Variants in RPTOR observed in about 807,000 individuals in gnomAD.
RPTOR encodes regulatory-associated protein of mTOR.
In RPTOR, 21 loss-of-function variants were observed where a neutral mutation model predicts 169.9. That is an observed-to-expected ratio of 0.12 (90% confidence interval 0.09 to 0.18). The LOEUF (loss-of-function observed/expected upper bound fraction) is 0.18, where lower values mean the gene tolerates loss of function less well. Ranked by LOEUF, RPTOR falls within the 10% of genes least tolerant of loss-of-function variation. The probability of loss-of-function intolerance (pLI) is 1.00; values close to 1 mark genes in which losing one functional copy is unlikely to be tolerated. For synonymous variants in RPTOR, 732 were observed against 753.2 expected, an observed-to-expected ratio of 0.97 and a Z score of 0.46; for missense variants, 1,133 against 1,855.9, an observed-to-expected ratio of 0.61 and a Z score of 7.16.
At chr17:80,930,312 CCAGCTCAGCT>C (rs575696923) in intron 24 of RPTOR, among the ~76,000 whole-genome samples, 11 of 80,158 alleles carry the variant, frequency 1.4e-4, no homozygotes, top group African/African-American at 3.1e-4. Flanking sequence ...CAGCTCATCC[CCAGCTCAGCT>C]CAGCTCATCC....
intron 5 of RPTOR, among the ~76,000 whole-genome samples, chr17:80,748,714 T>C (rs71368085): frequency 0.084 from 4,231 of 50,416 alleles, 544 homozygotes; most frequent in Non-Finnish European, 0.12. Context: ...ACCTGTTGGG[T>C]GGATGGAGGG....
At chr17:80,778,177 C>T (rs937844658) in intron 6 of RPTOR, among the ~76,000 whole-genome samples, 18 of 152,164 alleles carry the variant, frequency 1.2e-4, no homozygotes, top group South Asian at 8.3e-4. Context: ...CTTTCTGTGC[C>T]GCAAGGTGCT....
intron 2 of RPTOR, among the ~76,000 whole-genome samples, chr17:80,628,066 G>A (rs550710324): frequency 2.0e-5 from 3 of 152,176 alleles, no homozygotes; most frequent in African/African-American, 2.4e-5. Flanking sequence ...TCGAACTCCC[G>A]ACCTCAGGTG....
At chr17:80,574,581 A>T (rs1188880870) in intron 1 of RPTOR, among the ~76,000 whole-genome samples, 1 of 151,990 alleles carries the variant, frequency 6.6e-6, no homozygotes, top group East Asian at 1.9e-4. Flanking sequence ...TCCTCTTGTG[A>T]TCTTTTTAAA....
intron 12 of RPTOR, among the ~76,000 whole-genome samples, chr17:80,857,164 C>T (rs1017653431): frequency 1.3e-5 from 2 of 152,252 alleles, no homozygotes; most frequent in African/African-American, 2.4e-5. Flanking sequence ...GTGCCCTCCA[C>T]GCCCTCCCTC....
chr17:80,646,927 GA>G lies in RPTOR; in HGVS notation c.348+3120del, dbSNP rs1351970420. Among the ~76,000 whole-genome samples the G allele has an allele frequency of 2.0e-5, 3 of 152,214 alleles. No homozygotes were observed. The highest frequency in any genetic ancestry group is 2.9e-5 in the Non-Finnish European group (2 of 68,036). ...CGGTAGCGTCCATCCAGGAGGTGCA[GA>G]AAGCCAACCCCGGAACCCCCGTCGG... is the stretch of plus-strand genomic sequence containing the variant. On this transcript the variant is annotated intron_variant, in intron 3 of 33. Transcript: ENST00000306801. The surrounding 1 kb of genome is among the most constrained non-coding windows in gnomAD (Gnocchi z 5.0).
intron 6 of RPTOR, among the ~76,000 whole-genome samples, chr17:80,787,940 A>G (rs1567911403): frequency 1.3e-5 from 2 of 152,078 alleles, no homozygotes; most frequent in African/African-American, 2.4e-5. Context: ...TAGGACGACT[A>G]CAAATGTTAA....
chr17:80,965,025 C>A lies in RPTOR; in HGVS notation c.*695C>A, dbSNP rs2069407980. ...CCCCGCACCTCCAGGTCTCTGGACT[C>A]CAGTTTTGGCCCCTCTCACACAGAG... On this transcript the variant is annotated 3_prime_UTR_variant, in exon 34 of 34. Transcript: ENST00000306801. The A allele has an allele frequency of 3.0e-5, 7 of 233,306 alleles. No homozygotes were observed. The Admixed American group carries it at 3.9e-4, about 13-fold the overall frequency. 14.5% of individuals were successfully genotyped at this position (233,306 alleles called of 1,614,324 possible).
intron 9 of RPTOR, among the ~76,000 whole-genome samples, chr17:80,829,164 A>G (rs1046783866): frequency 6.6e-6 from 1 of 152,238 alleles, no homozygotes; most frequent in Non-Finnish European, 1.5e-5. Flanking sequence ...TAGAGTCTTT[A>G]TGGCTAAGGC....
chr17:80,555,499 G>A (rs557843467), intron 1 of RPTOR, among the ~76,000 whole-genome samples: 1 of 152,326 alleles, frequency 6.6e-6, no homozygotes, highest in East Asian at 1.9e-4. Context: ...TGGCAAGGAG[G>A]AGGTGGCCAG....
At chr17:80,553,116 G>A (rs1027583113) in intron 1 of RPTOR, among the ~76,000 whole-genome samples, 4 of 152,242 alleles carry the variant, frequency 2.6e-5, no homozygotes, top group Non-Finnish European at 5.9e-5. Flanking sequence ...TGTACTACTA[G>A]TTCCTGATTT....
At chr17:80,836,184 C>T (rs1266738864) in intron 9 of RPTOR, among the ~76,000 whole-genome samples, 1 of 152,212 alleles carries the variant, frequency 6.6e-6, no homozygotes, top group Non-Finnish European at 1.5e-5. Flanking sequence ...GCAGGTCAGC[C>T]GCTCCCTGGG....
chr17:80,691,262 G>A (rs908189107), intron 3 of RPTOR, among the ~76,000 whole-genome samples: 19 of 118,518 alleles, frequency 1.6e-4, no homozygotes, highest in Admixed American at 6.2e-4. Flanking sequence ...ACTAGTAAGG[G>A]GTGTGTGGGT....
intron 26 of RPTOR, among the ~76,000 whole-genome samples, chr17:80,946,544 G>A (rs530826524): frequency 3.9e-5 from 6 of 152,340 alleles, no homozygotes; most frequent in Non-Finnish European, 5.9e-5. Flanking sequence ...AGTGGCGCAC[G>A]CTAGGAGCCT....
intron 11 of RPTOR, 58 bp from the exon 12 acceptor site, chr17:80,855,406 T>G (rs2143743850): frequency 7.7e-7 from 1 of 1,304,594 alleles, no homozygotes; most frequent in East Asian, 2.3e-5. Flanking sequence ...GCAGCAGCGT[T>G]TCGGGGTTGC....
chr17:80,744,881 A>G (rs796221975), intron 5 of RPTOR, among the ~76,000 whole-genome samples: 2 of 75,350 alleles, frequency 2.7e-5, no homozygotes, highest in African/African-American at 3.4e-5. Flanking sequence ...TTACGAGCAC[A>G]GCCCTGGCTA....
chr17:80,941,666 C>T (rs1007367724), intron 25 of RPTOR, among the ~76,000 whole-genome samples: 1 of 152,258 alleles, frequency 6.6e-6, no homozygotes, highest in African/African-American at 2.4e-5. Context: ...TTTGACCTTG[C>T]ATCTTTGTCC....
intron 25 of RPTOR, among the ~76,000 whole-genome samples, chr17:80,942,847 A>G (rs2069050450): frequency 6.6e-6 from 1 of 152,186 alleles, no homozygotes; most frequent in Non-Finnish European, 1.5e-5. Flanking sequence ...TTTCAAACGT[A>G]CCAAATGCGT....
chr17:80,876,228 G>A (rs1164450576), intron 13 of RPTOR, among the ~76,000 whole-genome samples: 1 of 90,516 alleles, frequency 1.1e-5, no homozygotes, highest in Non-Finnish European at 2.1e-5. Flanking sequence ...CACGCAGGGT[G>A]TGTGTGTCGC....
Sources: allele counts gnomAD v4.1 joint callset (sites outside exome capture counted in the v4.1 genomes callset), GRCh38; gene constraint gnomAD v4.1.1; non-coding constraint Gnocchi (gnomAD v3.1); transcripts MANE v1.5; gene names NCBI Gene and HGNC (gene_info 2026-07-23, HGNC 2026-07-21).